TM9SF2: variants seen among roughly 807,000 people sequenced by gnomAD.
TM9SF2 encodes 76 kDa membrane protein.
In TM9SF2, 13 loss-of-function variants were observed where a neutral mutation model predicts 84.9. That is an observed-to-expected ratio of 0.15 (90% CI 0.10 to 0.24). The LOEUF (loss-of-function observed/expected upper bound fraction) is 0.24, where lower values mean the gene tolerates loss of function less well. TM9SF2 is among the 10% of genes least tolerant of loss of function. The probability of loss-of-function intolerance (pLI) is 1.00; values close to 1 mark genes in which losing one functional copy is unlikely to be tolerated. For missense variants in TM9SF2, 562 were observed against 818.5 expected, an observed-to-expected ratio of 0.69 and a Z score of 3.82; for synonymous variants, 273 against 285.8, an observed-to-expected ratio of 0.96 and a Z score of 0.45.
At chr13:99,536,855 A>T in intron 5 of TM9SF2, 118 bp downstream of exon 5, 8 of 1,084,222 alleles carry the variant, frequency 7.4e-6, no homozygotes. Flanking sequence ...AGATGTTCTG[A>T]AGTACAACTA....
chr13:99,534,532 C>T (rs1594054222), intron 4 of TM9SF2, among the ~76,000 whole-genome samples: 1 of 152,112 alleles, frequency 6.6e-6, no homozygotes, highest in East Asian at 1.9e-4. Context: ...ACTTTCTTTG[C>T]TTTGGGCTGT....
intron 13 of TM9SF2, among the ~76,000 whole-genome samples, chr13:99,553,979 G>A (rs765538070): frequency 6.6e-6 from 1 of 152,156 alleles, no homozygotes; most frequent in Non-Finnish European, 1.5e-5. Flanking sequence ...AAAATGAAAA[G>A]CCTAACTCTA....
chr13:99,525,372 G>A (rs932590978), intron 3 of TM9SF2, among the ~76,000 whole-genome samples: 1 of 152,070 alleles, frequency 6.6e-6, no homozygotes, highest in Non-Finnish European at 1.5e-5. Context: ...CTCCCGAGCA[G>A]CTGGGATTAC....
intron 12 of TM9SF2, among the ~76,000 whole-genome samples, chr13:99,550,033 C>G (rs1594060245): frequency 6.6e-6 from 1 of 152,286 alleles, no homozygotes; most frequent in East Asian, 1.9e-4. Flanking sequence ...TTTTCTTTCC[C>G]TCTGTCAACT....
intron 3 of TM9SF2, among the ~76,000 whole-genome samples, chr13:99,522,135 C>T (rs369186452): frequency 6.6e-6 from 1 of 152,164 alleles, no homozygotes; most frequent in Non-Finnish European, 1.5e-5. Context: ...ATTCTCCTGC[C>T]TCAGCCTCCC....
At position 99,542,092 on chromosome 13, in the gene TM9SF2, A is replaced by G. The variant is rs1483346151; in HGVS notation, c.1017+425A>G. ...CTTGAACCCAGGAGGCGGAGGCTGC[A>G]GTGAGCCAAGATCGTGCCACTGCAC... On this transcript the variant is annotated intron_variant, in intron 9 of 16. Coordinates refer to ENST00000376387, the MANE Select transcript of TM9SF2 (RefSeq NM_004800.3). Among the ~76,000 whole-genome samples the G allele has an allele frequency of 3.3e-5, 5 of 151,500 alleles. No homozygotes were observed. The East Asian group carries it at 9.8e-4, about 30-fold the overall frequency.
At chr13:99,501,860 A>T in intron 1 of TM9SF2, 83 bp downstream of exon 1, 5 of 1,524,586 alleles carry the variant, frequency 3.3e-6, no homozygotes, top group Non-Finnish European at 4.4e-6. Context: ...CTCGGGTGGG[A>T]GCGAGGGAAG....
chr13:99,551,743 A>G (rs550529533), intron 12 of TM9SF2, among the ~76,000 whole-genome samples: 1 of 152,366 alleles, frequency 6.6e-6, no homozygotes, highest in South Asian at 2.1e-4. Context: ...AGTAAGTAGA[A>G]TATGTAAATA....
chr13:99,546,018 G>T (rs142213891), intron 10 of TM9SF2, among the ~76,000 whole-genome samples: 19 of 152,338 alleles, frequency 1.2e-4, no homozygotes, highest in Non-Finnish European at 2.4e-4. Context: ...CCTCAAATAG[G>T]AACTTTCTGC....
intron 11 of TM9SF2, among the ~76,000 whole-genome samples, chr13:99,547,465 T>C (rs1402438685): frequency 6.6e-6 from 1 of 152,206 alleles, no homozygotes; most frequent in East Asian, 1.9e-4. Flanking sequence ...ATCACTGATT[T>C]TTTTCACTAA....
At chr13:99,539,211 A>C (rs1380740453) in intron 6 of TM9SF2, among the ~76,000 whole-genome samples, 1 of 147,190 alleles carries the variant, frequency 6.8e-6, no homozygotes, top group East Asian at 2.1e-4. Flanking sequence ...CCCTGTCCCA[A>C]AAAAAAAAAA....
At chr13:99,509,257 A>G (rs986329584) in intron 1 of TM9SF2, among the ~76,000 whole-genome samples, 3 of 152,210 alleles carry the variant, frequency 2.0e-5, no homozygotes, top group Admixed American at 6.5e-5. Context: ...TAAGCTGCCA[A>G]TGAATCTACT....
chr13:99,542,043 C>T (rs1017994231), intron 9 of TM9SF2, among the ~76,000 whole-genome samples: 8 of 151,242 alleles, frequency 5.3e-5, no homozygotes, highest in African/African-American at 1.5e-4. Flanking sequence ...CCAGCTACCT[C>T]GGGAGGCTGA....
chr13:99,504,784 A>C (rs1264567665), intron 1 of TM9SF2, among the ~76,000 whole-genome samples: 1 of 152,140 alleles, frequency 6.6e-6, no homozygotes, highest in Non-Finnish European at 1.5e-5. Flanking sequence ...CTTATTTTAC[A>C]TGTGCGTGCA....
intron 12 of TM9SF2, among the ~76,000 whole-genome samples, chr13:99,549,829 G>C (rs1167068062): frequency 6.6e-6 from 1 of 152,184 alleles, no homozygotes; most frequent in Non-Finnish European, 1.5e-5. Context: ...CAGCAATAAA[G>C]AAAGCCAAGG....
At chr13:99,539,288 G>A (rs1221870402) in intron 6 of TM9SF2, among the ~76,000 whole-genome samples, 158 bp from the exon 7 acceptor site, 1 of 150,934 alleles carries the variant, frequency 6.6e-6, no homozygotes, top group Non-Finnish European at 1.5e-5. Context: ...TTATAATTTT[G>A]TACACATATG....
chr13:99,529,847 T>TA (rs771474622), intron 4 of TM9SF2, among the ~76,000 whole-genome samples: 15 of 152,314 alleles, frequency 9.8e-5, no homozygotes, highest in East Asian at 9.6e-4. Flanking sequence ...ATCTGGTACA[T>TA]AGAGTAGTTA....
intron 1 of TM9SF2, among the ~76,000 whole-genome samples, chr13:99,507,240 C>T (rs141652643): frequency 9.9e-4 from 151 of 152,324 alleles, no homozygotes; most frequent in African/African-American, 3.4e-3. Flanking sequence ...CTAGGCTCTT[C>T]GCCACTGCCT....
intron 1 of TM9SF2, among the ~76,000 whole-genome samples, chr13:99,503,377 A>C (rs944396212): frequency 3.7e-4 from 56 of 152,316 alleles, no homozygotes; most frequent in African/African-American, 1.3e-3. Context: ...AAATGAGGAA[A>C]CATCAGTGGA....
Sources: gnomAD v4.1 joint callset for allele counts (sites outside exome capture counted in the v4.1 genomes callset) on GRCh38, gnomAD v4.1.1 for gene constraint, MANE v1.5 for transcripts, NCBI Gene and HGNC (gene_info 2026-07-23, HGNC 2026-07-21) for gene names.